Variants in JMY observed in about 807,000 individuals in gnomAD.
JMY encodes the protein junction-mediating and -regulatory protein.
Under a neutral mutation model 103.3 loss-of-function variants are expected in JMY, and 46 were observed. That is an observed-to-expected ratio of 0.45 (90% CI 0.35 to 0.57). The LOEUF (loss-of-function observed/expected upper bound fraction) is 0.57, where lower values mean the gene tolerates loss of function less well. Among genes scored for constraint, JMY ranks in the 20% least tolerant of loss-of-function variants. The pLI is 0.00. For synonymous variants in JMY, 526 were observed against 489.3 expected (o/e 1.07, Z -0.99); for missense variants, 1,238 against 1,255.2 (o/e 0.99, Z 0.21).
chr5:79,253,048 A>AT (rs1400274513), intron 1 of JMY, among the ~76,000 whole-genome samples: 1 of 151,450 alleles, frequency 6.6e-6, no homozygotes. Context: ...TAATTTCTTG[A>AT]TCTTTTTCTT....
chr5:79,300,398 T>C, intron 5 of JMY, 80 bp downstream of exon 5: 1 of 1,354,454 alleles, frequency 7.4e-7, no homozygotes. Flanking sequence ...TATGTTTCTT[T>C]TGTTAAGACA....
chr5:79,245,270 A>G (rs372086564), intron 1 of JMY, among the ~76,000 whole-genome samples: 19 of 152,286 alleles, frequency 1.2e-4, no homozygotes, highest in African/African-American at 4.3e-4. Flanking sequence ...AAATAGTAGT[A>G]TAGGCACTGG....
intron 6 of JMY, 115 bp downstream of exon 6, chr5:79,300,978 A>T: frequency 2.5e-6 from 2 of 802,180 alleles, no homozygotes; most frequent in Non-Finnish European, 3.9e-6. Flanking sequence ...ACTATCTCTT[A>T]TCAGTGCTCA....
At chr5:79,284,504 A>G (rs1028277919) in intron 2 of JMY, 172 of 1,587,786 alleles carry the variant, frequency 1.1e-4, no homozygotes, top group Non-Finnish European at 1.4e-4. Flanking sequence ...AGTAAAACCA[A>G]CACAGAACAG....
intron 2 of JMY, among the ~76,000 whole-genome samples, chr5:79,280,764 A>G (rs183894594): frequency 6.8e-4 from 104 of 152,284 alleles, no homozygotes; most frequent in African/African-American, 2.4e-3. Flanking sequence ...TAAGAAAACT[A>G]ATATTGGGAT....
chr5:79,291,675 A>G (rs552856620), intron 4 of JMY, among the ~76,000 whole-genome samples: 153 of 152,336 alleles, frequency 1.0e-3, no homozygotes, highest in African/African-American at 3.5e-3. Context: ...GATTGATTAT[A>G]TAATGCTTTT....
At position 79,325,575 on chromosome 5, in the gene JMY, A is replaced by G. The variant is rs1436315161; in HGVS notation, c.*3973A>G. 6.6e-6 allele frequency: 1 copy of G among 152,162 alleles called. No individual in the cohort carries two copies. Among genetic ancestry groups the G allele is most frequent in the Non-Finnish European group, 1.5e-5 (1 of 68,008 alleles). The allele number at this position is 152,162 out of a possible 1,614,324, so 9.4% of individuals were successfully genotyped here. On this transcript the variant is annotated 3_prime_UTR_variant, in exon 11 of 11. Coordinates refer to ENST00000396137, the MANE Select transcript of JMY (RefSeq NM_152405.5). ...GCTATGGTTAGAGGAGTGACCAGCA[A>G]GATTTATTTCAGATGGAAAAGGGGT...
rs1308300560 is a variant in JMY at position 79,327,059 on chromosome 5, T to G, written c.*5457T>G. ...TAATTGTATTGCTTTGTATTTCATGTTTTTTACACTCATGACTTCAGAGTT... is the reference window on the plus strand; with the variant it reads ...TAATTGTATTGCTTTGTATTTCATGGTTTTTACACTCATGACTTCAGAGTT... On this transcript the variant is annotated 3_prime_UTR_variant, in exon 11 of 11. Coordinates refer to ENST00000396137, the MANE Select transcript of JMY (RefSeq NM_152405.5). 2.0e-5 allele frequency: 3 copies of G among 152,326 alleles called. No individual in the cohort carries two copies. The East Asian group carries it at 5.8e-4, about 29-fold the overall frequency. 9.4% of individuals were successfully genotyped at this position (152,326 alleles called of 1,614,324 possible).
At position 79,278,042 on chromosome 5, in the gene JMY, G is replaced by A; in HGVS notation, c.1165G>A (p.Asp389Asn). Reference sequence around the variant, plus strand: ...TCAGTATTTACTACAGCCATTCCGAGACATGAGAGAACTTGCCATGCTACG... The same window carrying A: ...TCAGTATTTACTACAGCCATTCCGAAACATGAGAGAACTTGCCATGCTACG... ...LYQYLLQPFR[D>N]MRELAMLRRQ... The change falls in exon 2 of 11, where the codon GAC becomes AAC. Residue 389 changes from aspartate to asparagine, a missense_variant. Coordinates refer to ENST00000396137, the MANE Select transcript of JMY (RefSeq NM_152405.5). 6.2e-7 allele frequency: 1 copy of A among 1,613,810 alleles called. No individual in the cohort carries two copies. Among genetic ancestry groups the A allele is most frequent in the Non-Finnish European group, 8.5e-7 (1 of 1,179,874 alleles).
chr5:79,246,712 C>A (rs566052427), intron 1 of JMY, among the ~76,000 whole-genome samples: 2 of 152,082 alleles, frequency 1.3e-5, no homozygotes, highest in African/African-American at 4.8e-5. Flanking sequence ...AAAACCCTGT[C>A]TCTACTAAAA....
chr5:79,313,043 A>G (rs1580372468), intron 8 of JMY, among the ~76,000 whole-genome samples: 1 of 152,146 alleles, frequency 6.6e-6, no homozygotes, highest in East Asian at 1.9e-4. Flanking sequence ...CTGGAGCCTT[A>G]CTTCAGTTAT....
At chr5:79,272,112 TAA>T (rs758443549) in intron 1 of JMY, among the ~76,000 whole-genome samples, 70 of 135,730 alleles carry the variant, frequency 5.2e-4, no homozygotes, top group Admixed American at 6.0e-4. Context: ...ATTCTGTCTT[TAA>T]AAAAAAAAAA....
rs80210945 is a variant in JMY at position 79,308,525 on chromosome 5, T to C, written c.1968+2064T>C. Among the ~76,000 whole-genome samples the C allele has an allele frequency of 1.8e-3, 273 of 152,308 alleles. 2 individuals carry two copies. The East Asian group carries it at 0.019, about 11-fold the overall frequency. ...TCAAAGATCAGATGATTCTGTCTCT[T>C]CAGTCTATTTTTGGGTGTCCTATTT... is the stretch of plus-strand genomic sequence containing the variant. On this transcript the variant is annotated intron_variant, in intron 7 of 10. Transcript: ENST00000396137.
In JMY at chr5:79,236,939, A is replaced by G; in HGVS notation, c.289A>G (p.Thr97Ala). The G allele has an allele frequency of 7.7e-6, 11 of 1,435,608 alleles. No homozygotes were observed. Among genetic ancestry groups the G allele is most frequent in the Non-Finnish European group, 1.0e-5 (11 of 1,098,608 alleles). 88.9% of individuals were successfully genotyped at this position (1,435,608 alleles called of 1,614,324 possible). A position where few individuals can be genotyped will look rare whatever the true frequency, so the allele number is the denominator to read the frequency against. Residue 97 changes from threonine (T) to alanine (A), a missense_variant, in exon 1 of 11, where the codon ACT (threonine) becomes GCT (alanine). Physicochemically the swap from Thr to Ala is moderately conservative, Grantham distance 58. Transcript: ENST00000396137. ...RGRPEATASATLVRSPGPRRS... is the reference protein window; with the variant it reads ...RGRPEATASAALVRSPGPRRS... The stretch of plus-strand genomic sequence containing the variant: ...TCGGCCCGAGGCCACTGCCTCTGCA[A>G]CTCTGGTTAGGAGCCCCGGGCCCCG...
Position 79,237,354 on chromosome 5 carries a change from T to C in JMY, c.704T>C (p.Phe235Ser). 2 of 1,610,984 alleles carry C rather than the reference T, an allele frequency of 1.2e-6. No individual in the cohort carries two copies. Among genetic ancestry groups the C allele is most frequent in the Non-Finnish European group, 1.7e-6 (2 of 1,179,024 alleles). The part of the protein sequence containing the change: ...EECSWAGLFS[F>S]QDLRAVHQQL... ...TGCAGCTGGGCCGGACTGTTTTCTTTCCAGGACCTGCGCGCCGTGCACCAG... is the reference window on the plus strand; with the variant it reads ...TGCAGCTGGGCCGGACTGTTTTCTTCCCAGGACCTGCGCGCCGTGCACCAG... Residue 235 changes from phenylalanine (F) to serine (S), a missense_variant, in exon 1 of 11, where the codon TTC (phenylalanine) becomes TCC (serine). Transcript: ENST00000396137.
At chr5:79,254,778 G>T (rs913668288) in intron 1 of JMY, among the ~76,000 whole-genome samples, 1 of 151,322 alleles carries the variant, frequency 6.6e-6, no homozygotes, top group Non-Finnish European at 1.5e-5. Context: ...ATAACTCTTA[G>T]ATTTGCCCTT....
intron 1 of JMY, among the ~76,000 whole-genome samples, chr5:79,274,012 G>A (rs1429605087): frequency 2.0e-5 from 3 of 151,972 alleles, no homozygotes; most frequent in African/African-American, 4.8e-5. Flanking sequence ...TGTATTTTTA[G>A]TAGAGATGGG....
intron 4 of JMY, among the ~76,000 whole-genome samples, chr5:79,298,263 G>A (rs1235633863): frequency 1.3e-5 from 2 of 152,114 alleles, no homozygotes; most frequent in Non-Finnish European, 2.9e-5. Context: ...TTTACACTAA[G>A]GTTTTAACTT....
intron 1 of JMY, among the ~76,000 whole-genome samples, chr5:79,245,265 G>A (rs990353026): frequency 1.3e-5 from 2 of 152,150 alleles, no homozygotes; most frequent in South Asian, 2.1e-4. Flanking sequence ...TCAACAAATA[G>A]TAGTATAGGC....
Sources: gnomAD v4.1 joint callset for allele counts (sites outside exome capture counted in the v4.1 genomes callset) on GRCh38, gnomAD v4.1.1 for gene constraint, MANE v1.5 for transcripts, NCBI Gene and HGNC (gene_info 2026-07-23, HGNC 2026-07-21) for gene names.